The following HECW2 variants were observed in gnomAD, a reference collection of about 807,000 sequenced individuals.
The protein encoded by HECW2 is E3 ubiquitin-protein ligase HECW2.
In HECW2, 61 loss-of-function variants were observed where a neutral mutation model predicts 175.2. That is an observed-to-expected ratio of 0.35 (90% confidence interval 0.28 to 0.43). HECW2 has a LOEUF of 0.43. HECW2 is among the 20% of genes least tolerant of loss of function. HECW2 has a pLI of 1.00. For missense variants in HECW2, 1,524 were observed against 2,000.5 expected (o/e 0.76, Z 4.54); for synonymous variants, 671 against 731.0 (o/e 0.92, Z 1.32).
At position 196,215,869 on chromosome 2, in the gene HECW2, G is replaced by A; in HGVS notation, c.4603C>T (p.Pro1535Ser). Residue 1535 changes from proline (P) to serine (S), a missense_variant, in exon 28 of 29, where the codon CCC becomes TCC. Transcript: ENST00000644978. ...VEKWGKITAL[P>S]RAHTCFNRLD... is the part of the protein sequence containing the mutation. ...AAATGTTATTTTATATTTTACCTGG[G>A]AAGAGCAGTGATTTTCCCCCATTTC... 6.2e-7 allele frequency: 1 copy of A among 1,601,818 alleles called. No homozygotes were observed. The highest frequency in any genetic ancestry group is 8.6e-7 in the Non-Finnish European group (1 of 1,168,888).
At chr2:196,273,049 A>ATTTTTTTTTTTTTTTTT (rs778348590) in intron 16 of HECW2, among the ~76,000 whole-genome samples, 16 of 113,114 alleles carry the variant, frequency 1.4e-4, no homozygotes, top group Middle Eastern at 4.3e-3. Context: ...AGCTGGTCTA[A>ATTTTTTTTTTTTTTTTT]TTTTTTTTTT....
chr2:196,242,340 T>A, intron 19 of HECW2, 136 bp from the exon 20 acceptor site: 1 of 1,165,634 alleles, frequency 8.6e-7, no homozygotes, highest in Non-Finnish European at 1.2e-6. Context: ...TTTTGATTTC[T>A]GCAAGTTGAA....
intron 2 of HECW2, among the ~76,000 whole-genome samples, chr2:196,347,166 C>T (rs1476383418): frequency 6.7e-6 from 1 of 148,864 alleles, no homozygotes. Context: ...GATTCTCCTG[C>T]CTCAGCCTCC....
intron 13 of HECW2, among the ~76,000 whole-genome samples, chr2:196,305,936 T>G (rs1298016074): frequency 6.6e-6 from 1 of 152,128 alleles, no homozygotes; most frequent in Non-Finnish European, 1.5e-5. Flanking sequence ...CCCTCAGCCC[T>G]CGGAGACTCG....
At chr2:196,564,380 T>C (rs1690108505) in intron 1 of HECW2, among the ~76,000 whole-genome samples, 1 of 152,218 alleles carries the variant, frequency 6.6e-6, no homozygotes, top group South Asian at 2.1e-4. Context: ...TATTGAATTA[T>C]GATTAATTAG....
At chr2:196,579,574 T>C (rs1690693566) in intron 1 of HECW2, among the ~76,000 whole-genome samples, 1 of 152,156 alleles carries the variant, frequency 6.6e-6, no homozygotes, top group Non-Finnish European at 1.5e-5. Context: ...TCGAAAAATA[T>C]ATATACCATG....
intron 19 of HECW2, 62 bp from the exon 20 acceptor site, chr2:196,242,266 T>C: frequency 6.2e-7 from 1 of 1,601,248 alleles, no homozygotes; most frequent in Non-Finnish European, 8.5e-7. Context: ...GTTCATCACA[T>C]CACCATGGAC....
intron 1 of HECW2, among the ~76,000 whole-genome samples, chr2:196,575,507 G>A (rs1357306067): frequency 6.6e-6 from 1 of 152,050 alleles, no homozygotes; most frequent in Non-Finnish European, 1.5e-5. Context: ...TATGGAAACA[G>A]TCAAATGTCC....
intron 1 of HECW2, among the ~76,000 whole-genome samples, chr2:196,547,171 A>G (rs1689453312): frequency 6.6e-6 from 1 of 152,210 alleles, no homozygotes; most frequent in South Asian, 2.1e-4. Flanking sequence ...ATGGGTTTTT[A>G]CTGTTAAAAT....
chr2:196,301,177 T>A, intron 13 of HECW2, among the ~76,000 whole-genome samples: 1 of 152,126 alleles, frequency 6.6e-6, no homozygotes, highest in Non-Finnish European at 1.5e-5. Context: ...AGCTTCCAAC[T>A]CCATCCATGC....
chr2:196,234,862 C>T (rs1171289878), intron 21 of HECW2, among the ~76,000 whole-genome samples: 1 of 152,154 alleles, frequency 6.6e-6, no homozygotes, highest in East Asian at 1.9e-4. Flanking sequence ...CCACCACTGC[C>T]GATCTCCCTT....
intron 1 of HECW2, among the ~76,000 whole-genome samples, chr2:196,448,900 C>G (rs558091412): frequency 2.7e-4 from 41 of 152,238 alleles, no homozygotes; most frequent in Middle Eastern, 6.8e-3. Flanking sequence ...CCTTTTTGCC[C>G]TTCCTCTCTC....
chr2:196,385,667 A>G (rs953789540), intron 2 of HECW2, among the ~76,000 whole-genome samples: 1 of 152,316 alleles, frequency 6.6e-6, no homozygotes, highest in East Asian at 1.9e-4. Context: ...TGGGGACTGA[A>G]AATACTTGTT....
chr2:196,586,231 G>A (rs1291206877), intron 1 of HECW2, among the ~76,000 whole-genome samples: 1 of 152,152 alleles, frequency 6.6e-6, no homozygotes, highest in Non-Finnish European at 1.5e-5. Flanking sequence ...CATAGTCTAA[G>A]ATTGTGGCAT....
At chr2:196,212,415 C>T (rs1305622408) in intron 28 of HECW2, among the ~76,000 whole-genome samples, 1 of 152,150 alleles carries the variant, frequency 6.6e-6, no homozygotes. Context: ...GTGTTCTCAT[C>T]ATTTAGCTCC....
chr2:196,442,857 A>T (rs1238649559), intron 1 of HECW2, among the ~76,000 whole-genome samples: 1 of 152,188 alleles, frequency 6.6e-6, no homozygotes, highest in Non-Finnish European at 1.5e-5. Context: ...TAGACCTCTG[A>T]TATGAAAGGA....
chr2:196,219,991 C>T (rs766579547), intron 26 of HECW2, 48 bp downstream of exon 26: 2 of 1,241,224 alleles, frequency 1.6e-6, no homozygotes, highest in Non-Finnish European at 2.4e-6. Context: ...ACCATGCCTT[C>T]CTTTAATTTG....
chr2:196,338,945 A>G (rs558791411), intron 3 of HECW2, among the ~76,000 whole-genome samples: 16 of 152,282 alleles, frequency 1.1e-4, no homozygotes, highest in Admixed American at 2.6e-4. Flanking sequence ...TGTCAGTTAC[A>G]TGTCACTGGA....
intron 3 of HECW2, among the ~76,000 whole-genome samples, chr2:196,337,976 T>TA (rs1231932581): frequency 6.6e-6 from 1 of 152,228 alleles, no homozygotes; most frequent in Non-Finnish European, 1.5e-5. Context: ...TAGCACTCTG[T>TA]ATTTGAATAT....
Sources: allele counts gnomAD v4.1 joint callset (sites outside exome capture counted in the v4.1 genomes callset), GRCh38; gene constraint gnomAD v4.1.1; transcripts MANE v1.5; gene names NCBI Gene and HGNC (gene_info 2026-07-23, HGNC 2026-07-21).